The following PHACTR4 variants were observed in gnomAD, a reference collection of about 807,000 sequenced individuals.
PHACTR4 encodes protein phosphatase 1, regulatory subunit 124.
Under a neutral mutation model 72.7 loss-of-function variants are expected in PHACTR4, and 51 were observed. The ratio of observed to expected loss-of-function variants is 0.70; its 90% CI spans 0.56 to 0.89. The LOEUF is 0.89. Ranked by LOEUF, PHACTR4 falls within the 40% of genes least tolerant of loss-of-function variation. The pLI is 0.00. For synonymous variants in PHACTR4, 255 were observed against 302.5 expected, an observed-to-expected ratio of 0.84 and a Z score of 1.63; for missense variants, 731 against 861.8, an observed-to-expected ratio of 0.85 and a Z score of 1.90.
Position 28,388,168 on chromosome 1 carries a change from C to T in PHACTR4, c.-39+18343C>T, listed in dbSNP as rs181908116. On this transcript the variant is annotated intron_variant, in intron 1 of 13. Coordinates refer to ENST00000373839, the MANE Select transcript of PHACTR4 (RefSeq NM_001048183.3). ...TGGTGCCATTATGCTGCAGCCTGGA[C>T]GACAGAGTGAGACTCTGTCTCAAAA... Among the ~76,000 whole-genome samples the T allele has an allele frequency of 4.0e-3, 601 of 149,998 alleles. 3 individuals carry two copies. Among genetic ancestry groups the T allele is most frequent in the African/African-American group, 0.014 (573 of 40,254 alleles).
chr1:28,414,346 A>G (rs1463572761), intron 2 of PHACTR4, among the ~76,000 whole-genome samples: 37 of 150,720 alleles, frequency 2.5e-4, no homozygotes, highest in Non-Finnish European at 2.9e-5. Context: ...GATTACAGGC[A>G]TGAGCCTCTG....
At chr1:28,395,227 G>T (rs1399979499) in intron 1 of PHACTR4, among the ~76,000 whole-genome samples, 1 of 149,738 alleles carries the variant, frequency 6.7e-6, no homozygotes, top group South Asian at 2.1e-4. Flanking sequence ...TCTTTTAAAA[G>T]TATGTTTTGT....
At chr1:28,489,527 A>G (rs959428333) in intron 10 of PHACTR4, among the ~76,000 whole-genome samples, 1 of 152,040 alleles carries the variant, frequency 6.6e-6, no homozygotes, top group Non-Finnish European at 1.5e-5. Flanking sequence ...GATGTGCCCA[A>G]TTTTTCTGTT....
chr1:28,451,933 C>A (rs556020207), intron 2 of PHACTR4, among the ~76,000 whole-genome samples: 7 of 152,166 alleles, frequency 4.6e-5, no homozygotes, highest in African/African-American at 1.7e-4. Context: ...AGCCACCATG[C>A]CTGGCAAATT....
intron 2 of PHACTR4, among the ~76,000 whole-genome samples, chr1:28,417,650 C>G (rs544395109): frequency 9.2e-5 from 14 of 152,244 alleles, no homozygotes; most frequent in African/African-American, 2.9e-4. Context: ...TTATTTATTT[C>G]TAGAAATTTT....
intron 1 of PHACTR4, among the ~76,000 whole-genome samples, chr1:28,370,642 G>A (rs1355326648): frequency 6.9e-6 from 1 of 144,150 alleles, no homozygotes; most frequent in Non-Finnish European, 1.5e-5. Context: ...TGCTTCATTC[G>A]GACACTCAGC....
intron 12 of PHACTR4, 63 bp downstream of exon 12, chr1:28,491,850 C>T: frequency 6.5e-7 from 1 of 1,549,582 alleles, no homozygotes; most frequent in Non-Finnish European, 8.7e-7. Context: ...TTGGAGGATC[C>T]AAGATACTAA....
rs1479738840 is a variant in PHACTR4, at chr1:28,499,575, G to T, written c.*3026G>T. 6.6e-6 allele frequency: 1 copy of T among 152,172 alleles called. No individual in the cohort carries two copies. The highest frequency in any genetic ancestry group is 1.5e-5 in the Non-Finnish European group (1 of 68,088). 9.4% of individuals were successfully genotyped at this position (152,172 alleles called of 1,614,324 possible). ...GCTCAGAGCAACCTCTGCCTCCCAG[G>T]CTCAAGCAATCCTCCCACTTCAGTC... is the stretch of plus-strand genomic sequence containing the variant. On this transcript the variant is annotated 3_prime_UTR_variant, in exon 14 of 14. Transcript: ENST00000373839.
At chr1:28,402,384 G>A (rs1287684129) in intron 1 of PHACTR4, among the ~76,000 whole-genome samples, 1 of 152,120 alleles carries the variant, frequency 6.6e-6, no homozygotes, top group Non-Finnish European at 1.5e-5. Context: ...TCAGTCTGTT[G>A]AAGTTCAGGG....
At chr1:28,437,817 A>G (rs34636703) in intron 2 of PHACTR4, among the ~76,000 whole-genome samples, 14,460 of 152,212 alleles carry the variant, frequency 0.095, 1,536 homozygotes, top group African/African-American at 0.26. Context: ...AGGGGACACA[A>G]ACATTCAGTC....
intron 1 of PHACTR4, among the ~76,000 whole-genome samples, chr1:28,383,781 G>C (rs933947954): frequency 6.6e-6 from 1 of 152,140 alleles, no homozygotes; most frequent in Non-Finnish European, 1.5e-5. Context: ...TGGATACAGG[G>C]TCATGTTGTC....
intron 10 of PHACTR4, among the ~76,000 whole-genome samples, chr1:28,490,389 G>A (rs901013184): frequency 6.6e-6 from 1 of 151,946 alleles, no homozygotes; most frequent in Non-Finnish European, 1.5e-5. Flanking sequence ...AAAATTAGCC[G>A]GGCATGGTGG....
intron 2 of PHACTR4, chr1:28,438,252 C>A: frequency 1.4e-6 from 2 of 1,440,376 alleles, no homozygotes; most frequent in East Asian, 5.3e-5. Flanking sequence ...TGACCTTATG[C>A]CATTTCCTGA....
chr1:28,453,418 G>T, intron 2 of PHACTR4: 1 of 270,638 alleles, frequency 3.7e-6, no homozygotes. Context: ...ACGAAAAAAA[G>T]AGAAAACACA....
chr1:28,486,993 T>C (rs568696327), intron 9 of PHACTR4, among the ~76,000 whole-genome samples: 2 of 152,022 alleles, frequency 1.3e-5, no homozygotes, highest in African/African-American at 4.8e-5. Flanking sequence ...CAAAACTCCA[T>C]CACTACCAAA....
chr1:28,427,606 G>A (rs1655954507), intron 2 of PHACTR4, among the ~76,000 whole-genome samples: 1 of 152,190 alleles, frequency 6.6e-6, no homozygotes, highest in Non-Finnish European at 1.5e-5. Flanking sequence ...GTTGTTTACT[G>A]CGGGTCTTCA....
intron 2 of PHACTR4, among the ~76,000 whole-genome samples, chr1:28,410,089 C>T (rs1156948473): frequency 6.7e-6 from 1 of 150,238 alleles, no homozygotes; most frequent in African/African-American, 2.5e-5. Flanking sequence ...GCCTCAGCTT[C>T]CCGAGTAGCT....
chr1:28,465,508 C>T (rs923028944), intron 4 of PHACTR4, among the ~76,000 whole-genome samples, 177 bp from the exon 5 acceptor site: 6 of 152,030 alleles, frequency 3.9e-5, no homozygotes, highest in Admixed American at 3.3e-4. Context: ...CCTAGCACTT[C>T]GGGAGACCAA....
chr1:28,383,477 C>T (rs1272780070), intron 1 of PHACTR4, among the ~76,000 whole-genome samples: 2 of 152,152 alleles, frequency 1.3e-5, no homozygotes, highest in Non-Finnish European at 2.9e-5. Context: ...TCTTCCTATC[C>T]ATAGGCATGG....
Sources: allele counts gnomAD v4.1 joint callset (sites outside exome capture counted in the v4.1 genomes callset), GRCh38; gene constraint gnomAD v4.1.1; transcripts MANE v1.5; gene names NCBI Gene and HGNC (gene_info 2026-07-23, HGNC 2026-07-21).